Variants in HAUS6 observed in about 807,000 individuals in gnomAD.
HAUS6 encodes HAUS augmin like complex subunit 6, also known as HAUS augmin-like complex subunit 6.
In HAUS6, 80 loss-of-function variants were observed where a neutral mutation model predicts 106.8. The observed-to-expected ratio is 0.75, with a 90% confidence interval of 0.63 to 0.90. HAUS6 has a LOEUF of 0.90. Among genes scored for constraint, HAUS6 ranks in the 40% least tolerant of loss-of-function variants. HAUS6 has a pLI of 0.00. For synonymous variants in HAUS6, 356 were observed against 379.1 expected, an observed-to-expected ratio of 0.94 and a Z score of 0.71; for missense variants, 1,155 against 1,118.1, an observed-to-expected ratio of 1.03 and a Z score of -0.47.
At chr9:19,096,291 G>A (rs1199692898) in intron 2 of HAUS6, among the ~76,000 whole-genome samples, 1 of 152,144 alleles carries the variant, frequency 6.6e-6, no homozygotes, top group African/African-American at 2.4e-5. Context: ...TATGCCGGGC[G>A]TGGTGGCTCA....
chr9:19,070,482 A>G (rs1038627903), intron 11 of HAUS6, among the ~76,000 whole-genome samples, 182 bp from the exon 12 acceptor site: 5 of 152,236 alleles, frequency 3.3e-5, no homozygotes, highest in Non-Finnish European at 5.9e-5. Flanking sequence ...GAAAAGTAAT[A>G]GAGAACATCT....
Position 19,058,123 on chromosome 9 carries a change from A to G in HAUS6, c.2644T>C (p.Leu882=), listed in dbSNP as rs1167140198. 1 of 1,614,106 alleles carries G rather than the reference A, an allele frequency of 6.2e-7. No individual in the cohort carries two copies. The part of the protein sequence containing the change: ...NVQTDDTLNF[L]DTCDLHTEHI... The stretch of plus-strand genomic sequence containing the variant: ...TCAGTATGCAAATCACAGGTGTCCA[A>G]AAAGTTAAGCGTATCATCTGTTTGT... The change falls in exon 16 of 17, where the codon TTG becomes CTG. Residue 882 remains leucine (L), a synonymous_variant. Coordinates refer to ENST00000380502, the MANE Select transcript of HAUS6 (RefSeq NM_017645.5).
intron 1 of HAUS6, 77 bp from the exon 2 acceptor site, chr9:19,096,846 C>G: frequency 3.2e-6 from 2 of 634,854 alleles, no homozygotes; most frequent in South Asian, 2.3e-5. Flanking sequence ...CTGAGTAAGA[C>G]TTTGACACAA....
intron 7 of HAUS6, among the ~76,000 whole-genome samples, chr9:19,085,627 A>G (rs1271221370): frequency 2.0e-5 from 3 of 151,992 alleles, no homozygotes; most frequent in Admixed American, 6.6e-5. Context: ...AAAAAAAAAA[A>G]AAAGAAAACC....
rs1004037791 is a variant in HAUS6, at chr9:19,053,348, G to T, written c.*2995C>A. 1 of 152,116 alleles carries T rather than the reference G, an allele frequency of 6.6e-6. No individual in the cohort carries two copies. Among genetic ancestry groups the T allele is most frequent in the Non-Finnish European group, 1.5e-5 (1 of 67,988 alleles). 9.4% of individuals were successfully genotyped at this position (152,116 alleles called of 1,614,324 possible). On this transcript the variant is annotated 3_prime_UTR_variant, in exon 17 of 17. Coordinates refer to ENST00000380502, the MANE Select transcript of HAUS6 (RefSeq NM_017645.5). ...TACATTGAGGAAAACGTCATTAAAC[G>T]TATTTTAATTTTAGTACTCTCACAG... is the stretch of plus-strand genomic sequence containing the variant.
chr9:19,099,017 C>CAAAAAAAAAAAAAA (rs377024544), intron 1 of HAUS6, among the ~76,000 whole-genome samples: 1 of 90,686 alleles, frequency 1.1e-5, no homozygotes, highest in African/African-American at 4.3e-5. Context: ...AACTCCATCT[C>CAAAAAAAAAAAAAA]AAAAAAAAAA....
At position 19,056,021 on chromosome 9, in the gene HAUS6, A is replaced by C; in HGVS notation, c.*322T>G. 1 of 251,372 alleles carries C rather than the reference A, an allele frequency of 4.0e-6. No homozygotes were observed. Among genetic ancestry groups the C allele is most frequent in the Non-Finnish European group, 7.6e-6 (1 of 132,052 alleles). 15.6% of individuals were successfully genotyped at this position (251,372 alleles called of 1,614,324 possible). A position where few individuals can be genotyped will look rare whatever the true frequency, so the allele number is the denominator to read the frequency against. ...TATATTAATTGACTGAAGTTATAAC[A>C]TAAGAAATAAGTTACACTACTACTT... is the stretch of plus-strand genomic sequence containing the variant. On this transcript the variant is annotated 3_prime_UTR_variant, in exon 17 of 17. Coordinates refer to ENST00000380502, the MANE Select transcript of HAUS6 (RefSeq NM_017645.5).
chr9:19,073,838 G>A (rs996633773), intron 11 of HAUS6: 1 of 151,992 alleles, frequency 6.6e-6, no homozygotes, highest in African/African-American at 2.4e-5. Context: ...AAGAGACAGG[G>A]TCTCATGCTC....
At chr9:19,101,841 A>T (rs2131163552) in intron 1 of HAUS6, among the ~76,000 whole-genome samples, 1 of 151,848 alleles carries the variant, frequency 6.6e-6, no homozygotes, top group South Asian at 2.1e-4. Flanking sequence ...AATCGCTTGA[A>T]CCAGGGAGTT....
chr9:19,067,187 T>C (rs1270755621), intron 12 of HAUS6, among the ~76,000 whole-genome samples: 1 of 152,224 alleles, frequency 6.6e-6, no homozygotes, highest in Non-Finnish European at 1.5e-5. Context: ...GTTAACTACA[T>C]TATTACTGAT....
At chr9:19,059,754 C>T (rs982845501) in intron 15 of HAUS6, among the ~76,000 whole-genome samples, 4 of 152,072 alleles carry the variant, frequency 2.6e-5, no homozygotes, top group Non-Finnish European at 4.4e-5. Flanking sequence ...AGCCTATGTA[C>T]TCTATAAATA....
At chr9:19,095,560 TTAA>T (rs1817844264) in intron 2 of HAUS6, among the ~76,000 whole-genome samples, 1 of 151,614 alleles carries the variant, frequency 6.6e-6, no homozygotes, top group Non-Finnish European at 1.5e-5. Context: ...ACCCTATACC[TTAA>T]TAATAGGGAA....
intron 8 of HAUS6, among the ~76,000 whole-genome samples, chr9:19,081,326 G>T (rs558935565): frequency 6.6e-6 from 1 of 152,140 alleles, no homozygotes; most frequent in Non-Finnish European, 1.5e-5. Flanking sequence ...TTTTTTAACA[G>T]AAGTTACAAA....
chr9:19,067,454 A>C (rs568587050), intron 12 of HAUS6, among the ~76,000 whole-genome samples: 186 of 152,238 alleles, frequency 1.2e-3, no homozygotes, highest in African/African-American at 4.4e-3. Context: ...TTTATCCCTC[A>C]CCACCAGGCC....
intron 1 of HAUS6, among the ~76,000 whole-genome samples, chr9:19,099,876 C>A (rs560354281): frequency 6.6e-6 from 1 of 152,116 alleles, no homozygotes; most frequent in South Asian, 2.1e-4. Flanking sequence ...ACAGTGAGAA[C>A]CCATCTCTAC....
chr9:19,062,176 G>A lies in HAUS6; in HGVS notation c.1629+832C>T, dbSNP rs1370396486. On this transcript the variant is annotated intron_variant, in intron 14 of 16. Coordinates refer to ENST00000380502, the MANE Select transcript of HAUS6 (RefSeq NM_017645.5). Reference sequence around the variant, plus strand: ...AAAAAGCAGAATAGTGTTAAGGGAGGGGGCTGGTTAGGAAAATCAAGTTCA... The same window carrying A: ...AAAAAGCAGAATAGTGTTAAGGGAGAGGGCTGGTTAGGAAAATCAAGTTCA... Among the ~76,000 whole-genome samples, 2 of 152,148 alleles carry A rather than the reference G, an allele frequency of 1.3e-5. 1 individual carries two copies. The highest frequency in any genetic ancestry group is 4.8e-5 in the African/African-American group (2 of 41,440).
rs1190220580 is a variant in HAUS6 at position 19,060,118 on chromosome 9, T to C, written c.1735A>G (p.Asn579Asp). 1.0e-5 allele frequency: 16 copies of C among 1,606,424 alleles called. No individual in the cohort carries two copies. The highest frequency in any genetic ancestry group is 6.7e-5 in the African/African-American group (5 of 74,464). The change falls in exon 15 of 17, where the codon AAT (asparagine) becomes GAT (aspartate). Residue 579 changes from asparagine to aspartate, a missense_variant. Physicochemically the swap from Asn to Asp is conservative, Grantham distance 23. This residue lies in a region of HAUS6 where 761 missense variants were observed against 690.0 expected (regional missense o/e 1.10). Transcript: ENST00000380502. Reference sequence around the variant, plus strand: ...TTTTCTGGAGTACGGGGAATCTGATTCCTTGTTAAGAAGGGGTTAGAACCC... The same window carrying C: ...TTTTCTGGAGTACGGGGAATCTGATCCCTTGTTAAGAAGGGGTTAGAACCC... ...SLGSNPFLTR[N>D]QIPRTPENLI...
At chr9:19,082,499 A>G (rs761176099) in intron 8 of HAUS6, among the ~76,000 whole-genome samples, 1 of 152,240 alleles carries the variant, frequency 6.6e-6, no homozygotes, top group African/African-American at 2.4e-5. Flanking sequence ...CTGTAATCCC[A>G]GCACTTTGGG....
intron 3 of HAUS6, among the ~76,000 whole-genome samples, chr9:19,093,520 T>C (rs1475992471): frequency 6.6e-6 from 1 of 152,208 alleles, no homozygotes; most frequent in African/African-American, 2.4e-5. Flanking sequence ...CAAAGCAAAG[T>C]GGGTAAGGCC....
Sources: gnomAD v4.1 joint callset for allele counts (sites outside exome capture counted in the v4.1 genomes callset) on GRCh38, gnomAD v4.1.1 for gene constraint, gnomAD v4.1.1 regional missense constraint, MANE v1.5 for transcripts, NCBI Gene and HGNC (gene_info 2026-07-23, HGNC 2026-07-21) for gene names.